Variants in PTPRD observed in about 807,000 individuals in gnomAD.
PTPRD encodes receptor-type tyrosine-protein phosphatase delta.
PTPRD carries 34 observed loss-of-function variants against 214.5 expected under a neutral mutation model. That is an observed-to-expected ratio of 0.16 (90% CI 0.12 to 0.21). The LOEUF is 0.21. PTPRD is among the 10% of genes least tolerant of loss of function. The pLI, the probability that PTPRD is intolerant of heterozygous loss-of-function variation, is 1.00. For synonymous variants in PTPRD, 1,128 were observed against 845.7 expected, an observed-to-expected ratio of 1.33 and a Z score of -5.79; for missense variants, 2,545 against 2,398.7, an observed-to-expected ratio of 1.06 and a Z score of -1.27.
At chr9:9,221,405 TA>T (rs1000317740) in intron 9 of PTPRD, among the ~76,000 whole-genome samples, 3 of 152,062 alleles carry the variant, frequency 2.0e-5, no homozygotes, top group African/African-American at 7.2e-5. Context: ...ACATCTGTAT[TA>T]GTTGGCTTGG....
chr9:8,771,867 T>C (rs2095238180), intron 11 of PTPRD, among the ~76,000 whole-genome samples: 1 of 151,894 alleles, frequency 6.6e-6, no homozygotes, highest in Non-Finnish European at 1.5e-5. Context: ...AACATCATCT[T>C]ATAAAAAAGC....
At chr9:9,065,866 C>G (rs1224509464) in intron 10 of PTPRD, among the ~76,000 whole-genome samples, 1 of 152,130 alleles carries the variant, frequency 6.6e-6, no homozygotes, top group Non-Finnish European at 1.5e-5. Flanking sequence ...TTTAACCTCA[C>G]CAATCTCAGT....
intron 8 of PTPRD, among the ~76,000 whole-genome samples, chr9:9,452,587 C>G (rs2092399752): frequency 6.6e-6 from 1 of 150,994 alleles, no homozygotes; most frequent in Non-Finnish European, 1.5e-5. Context: ...AAAAAACTTC[C>G]CATAGCTAAC....
chr9:8,377,749 A>G (rs1328230543), intron 37 of PTPRD, among the ~76,000 whole-genome samples: 1 of 152,128 alleles, frequency 6.6e-6, no homozygotes, highest in Non-Finnish European at 1.5e-5. Context: ...TTGGATTTAA[A>G]CAAAGGCAAT....
intron 5 of PTPRD, among the ~76,000 whole-genome samples, chr9:9,914,094 C>A (rs1294911648): frequency 1.3e-5 from 2 of 152,170 alleles, no homozygotes; most frequent in African/African-American, 2.4e-5. Context: ...TACAGTCCTG[C>A]CTTGGGCAAA....
At chr9:9,927,475 C>T (rs1264196023) in intron 5 of PTPRD, among the ~76,000 whole-genome samples, 1 of 152,124 alleles carries the variant, frequency 6.6e-6, no homozygotes, top group Admixed American at 6.5e-5. Flanking sequence ...ATATCAAATT[C>T]AGCTTTCCTC....
rs184292698 is a variant in PTPRD, at chr9:9,063,795, G to C, written c.-142-45060C>G. ...ATACACTGAAAGAAAAGGTGTGCTGGAATCAGATCAATAGAAAGTATCCGG... is the reference window on the plus strand; with the variant it reads ...ATACACTGAAAGAAAAGGTGTGCTGCAATCAGATCAATAGAAAGTATCCGG... On this transcript the variant is annotated intron_variant, in intron 10 of 45. Coordinates refer to ENST00000381196, the MANE Select transcript of PTPRD (RefSeq NM_002839.4). 1.1e-3 allele frequency among the ~76,000 whole-genome samples: 168 copies of C among 152,292 alleles called. 1 individual carries two copies. The highest frequency in any genetic ancestry group is 2.7e-3 in the South Asian group (13 of 4,828).
chr9:9,538,101 C>T (rs1022893521), intron 8 of PTPRD, among the ~76,000 whole-genome samples: 11 of 151,666 alleles, frequency 7.3e-5, no homozygotes, highest in African/African-American at 2.7e-4. Flanking sequence ...CTTTCTATAC[C>T]ACTAGATCAA....
chr9:8,467,825 T>G (rs1483534466), intron 31 of PTPRD, among the ~76,000 whole-genome samples: 1 of 151,950 alleles, frequency 6.6e-6, no homozygotes, highest in African/African-American at 2.4e-5. Context: ...GTATTATAAT[T>G]GAAGCATCAT....
At chr9:9,278,629 G>T (rs927910649) in intron 9 of PTPRD, among the ~76,000 whole-genome samples, 5 of 151,268 alleles carry the variant, frequency 3.3e-5, no homozygotes, top group African/African-American at 1.2e-4. Context: ...CAGACAGAGG[G>T]CAACATTACA....
At chr9:10,407,627 G>A (rs903830846) in intron 2 of PTPRD, among the ~76,000 whole-genome samples, 4 of 151,424 alleles carry the variant, frequency 2.6e-5, no homozygotes, top group African/African-American at 9.7e-5. Flanking sequence ...CAGTGATTTG[G>A]CCAATACTCT....
At chr9:9,493,072 G>C (rs1393127607) in intron 8 of PTPRD, among the ~76,000 whole-genome samples, 1 of 150,528 alleles carries the variant, frequency 6.6e-6, no homozygotes, top group Non-Finnish European at 1.5e-5. Flanking sequence ...TTGAAATTAG[G>C]CCAATCAATA....
intron 8 of PTPRD, among the ~76,000 whole-genome samples, chr9:9,459,186 A>G (rs915875299): frequency 1.1e-4 from 16 of 152,024 alleles, no homozygotes; most frequent in Admixed American, 9.2e-4. Context: ...CACTACAGCA[A>G]AGCAGTATTT....
intron 12 of PTPRD, among the ~76,000 whole-genome samples, chr9:8,710,752 A>T (rs2098315408): frequency 6.6e-6 from 1 of 152,228 alleles, no homozygotes; most frequent in African/African-American, 2.4e-5. Context: ...TAATTAGTAT[A>T]ATCTAAATAC....
chr9:9,425,178 C>G (rs577880755), intron 8 of PTPRD, among the ~76,000 whole-genome samples: 8 of 151,854 alleles, frequency 5.3e-5, no homozygotes, highest in African/African-American at 1.7e-4. Context: ...CAGACAATAG[C>G]CAGTACATCC....
chr9:9,331,295 C>T (rs907385595), intron 9 of PTPRD, among the ~76,000 whole-genome samples: 4 of 151,920 alleles, frequency 2.6e-5, no homozygotes, highest in Non-Finnish European at 4.4e-5. Context: ...TCTTTTTCCA[C>T]CCCCATTTCC....
intron 5 of PTPRD, among the ~76,000 whole-genome samples, chr9:9,842,784 T>C (rs971273805): frequency 1.3e-5 from 2 of 151,988 alleles, no homozygotes; most frequent in African/African-American, 2.4e-5. Context: ...GTCCACATGA[T>C]GTGGAAGAAA....
intron 5 of PTPRD, among the ~76,000 whole-genome samples, chr9:9,904,857 G>C (rs1040917546): frequency 3.9e-5 from 6 of 152,052 alleles, no homozygotes; most frequent in Non-Finnish European, 8.8e-5. Context: ...GGTGGGCAAT[G>C]ATATGCCTTG....
chr9:9,368,303 T>C (rs1394504598), intron 9 of PTPRD, among the ~76,000 whole-genome samples: 1 of 131,374 alleles, frequency 7.6e-6, no homozygotes, highest in Non-Finnish European at 1.7e-5. Context: ...TTTATGAGGT[T>C]TATATGAGCT....
Sources: allele counts gnomAD v4.1 joint callset (sites outside exome capture counted in the v4.1 genomes callset), GRCh38; gene constraint gnomAD v4.1.1; transcripts MANE v1.5; gene names NCBI Gene and HGNC (gene_info 2026-07-23, HGNC 2026-07-21).